Variants in EIF1AD observed in about 807,000 individuals in gnomAD.
EIF1AD encodes the protein probable RNA-binding protein EIF1AD.
EIF1AD carries 9 observed loss-of-function variants against 21.7 expected under a neutral mutation model. The observed-to-expected ratio is 0.41, with a 90% CI of 0.25 to 0.72. The LOEUF (loss-of-function observed/expected upper bound fraction) is 0.72. Among genes scored for constraint, EIF1AD ranks in the 30% least tolerant of loss-of-function variants. EIF1AD has a pLI of 0.29. For missense variants in EIF1AD, 164 were observed against 199.7 expected (o/e 0.82, Z 1.08); for synonymous variants, 78 against 70.9 (o/e 1.10, Z -0.50).
chr11:66,000,114 T>C lies in EIF1AD; in HGVS notation c.135A>G (p.Gln45=). Residue 45 remains glutamine, a synonymous_variant, in exon 3 of 6, where the codon CAA becomes CAG. Coordinates refer to ENST00000533544, the MANE Select transcript of EIF1AD (RefSeq NM_001242481.2). ...GCATGCTCACCAGGAAGCGCTGCCC[T>C]TGGGCTGTCTCCACCTCATGCAGAT... The part of the protein sequence containing the change: ...GNNLHEVETA[Q]GQRFLVSMPS... 1 of 1,614,172 alleles carries C rather than the reference T, an allele frequency of 6.2e-7. No individual in the cohort carries two copies. Among genetic ancestry groups the C allele is most frequent in the East Asian group, 2.2e-5 (1 of 44,876 alleles).
rs920157685 is a variant in EIF1AD, at chr11:65,997,682, T to C, written c.*917A>G. On this transcript the variant is annotated 3_prime_UTR_variant, in exon 6 of 6. Coordinates refer to ENST00000533544, the MANE Select transcript of EIF1AD (RefSeq NM_001242481.2). ...TGGGTTTGGGCACAGAGGTGAATGA[T>C]TGGGTTTACCCAGGGTTAGGGTTTT... 1 of 152,256 alleles carries C rather than the reference T, an allele frequency of 6.6e-6. No homozygotes were observed. Among genetic ancestry groups the C allele is most frequent in the East Asian group, 1.9e-4 (1 of 5,202 alleles). The allele number at this position is 152,256 out of a possible 1,614,324, so 9.4% of individuals were successfully genotyped here.
chr11:66,001,970 G>A lies in EIF1AD; in HGVS notation c.-177C>T, dbSNP rs1855992158. ...CCGGAGCAACACCGCCGTCTAGGCT[G>A]GACGCTGAGAGAGGATCGTCCACGA... is the stretch of plus-strand genomic sequence containing the variant. On this transcript the variant is annotated 5_prime_UTR_variant, in exon 1 of 6. Coordinates refer to ENST00000533544, the MANE Select transcript of EIF1AD (RefSeq NM_001242481.2). The A allele has an allele frequency of 6.6e-6, 1 of 152,250 alleles. No individual in the cohort carries two copies. Among genetic ancestry groups the A allele is most frequent in the South Asian group, 2.1e-4 (1 of 4,832 alleles). 9.4% of individuals were successfully genotyped at this position (152,250 alleles called of 1,614,324 possible).
chr11:65,999,745 G>T, intron 3 of EIF1AD, 70 bp from the exon 4 acceptor site: 1 of 1,055,252 alleles, frequency 9.5e-7, no homozygotes, highest in Non-Finnish European at 1.5e-6. Flanking sequence ...CATAGGAAGG[G>T]GTTCTATCTC....
At position 65,997,366 on chromosome 11, in the gene EIF1AD, C is replaced by CAA. The variant is rs1004159622; in HGVS notation, c.*1231_*1232dup. Reference sequence around the variant, plus strand: ...AAAAAAAAAGATAGTCTCCAAAACACAAGAGGTAAGGTTTAAGTCCCATTG... The same window carrying CAA: ...AAAAAAAAAGATAGTCTCCAAAACACAAAAGAGGTAAGGTTTAAGTCCCATTG... On this transcript the variant is annotated 3_prime_UTR_variant, in exon 6 of 6. Transcript: ENST00000533544. 6.8e-6 allele frequency: 1 copy of CAA among 146,124 alleles called. No homozygotes were observed. The highest frequency in any genetic ancestry group is 2.5e-5 in the African/African-American group (1 of 39,822). 9.1% of individuals were successfully genotyped at this position (146,124 alleles called of 1,614,324 possible). A position where few individuals can be genotyped will look rare whatever the true frequency, so the allele number is the denominator to read the frequency against.
chr11:66,001,809 A>C (rs1453501158), intron 1 of EIF1AD, 101 bp downstream of exon 1: 2 of 152,194 alleles, frequency 1.3e-5, no homozygotes, highest in Non-Finnish European at 2.9e-5. Flanking sequence ...CAGTACCCTT[A>C]AGACTGATGG....
intron 5 of EIF1AD, 80 bp from the exon 6 acceptor site, chr11:65,998,823 G>T: frequency 6.6e-7 from 1 of 1,522,746 alleles, no homozygotes; most frequent in East Asian, 2.3e-5. Flanking sequence ...TCCAAAAAAA[G>T]GACCATCCGG....
intron 1 of EIF1AD, among the ~76,000 whole-genome samples, chr11:66,000,970 T>C (rs1285174323): frequency 1.3e-5 from 2 of 152,158 alleles, no homozygotes; most frequent in African/African-American, 4.8e-5. Context: ...CTTGATCTAT[T>C]ATGACTTTTT....
rs372901719 is a variant in EIF1AD at position 66,000,338 on chromosome 11, G to C, written c.52C>G (p.His18Asp). 5.6e-6 allele frequency: 9 copies of C among 1,613,300 alleles called. No homozygotes were observed. The highest frequency in any genetic ancestry group is 7.6e-6 in the Non-Finnish European group (9 of 1,179,728). ...TGCTGCTGGTCGGAGGGCACTATGT[G>C]CTCCCCTAGCACCTCCTTCACCACA... ...KHVVKEVLGE[H>D]IVPSDQQQIV... The change falls in exon 2 of 6, where the codon CAC becomes GAC. Residue 18 changes from histidine (H) to aspartate (D), a missense_variant. His to Asp is a moderately conservative substitution (Grantham distance 81, BLOSUM62 -1). Coordinates refer to ENST00000533544, the MANE Select transcript of EIF1AD (RefSeq NM_001242481.2).
chr11:66,000,240 C>CCCT (rs1855894741), intron 2 of EIF1AD, 63 bp downstream of exon 2: 7 of 1,610,306 alleles, frequency 4.3e-6, no homozygotes, highest in Non-Finnish European at 5.9e-6. Context: ...CTACCCCCAC[C>CCCT]CCAGGGGCCC....
rs1855731474 is a variant in EIF1AD at position 65,996,562 on chromosome 11, G to A, written c.*2037C>T. 1.3e-5 allele frequency: 2 copies of A among 151,836 alleles called. No homozygotes were observed. The highest frequency in any genetic ancestry group is 2.4e-5 in the African/African-American group (1 of 41,318). The allele number at this position is 151,836 out of a possible 1,614,324, so 9.4% of individuals were successfully genotyped here. On this transcript the variant is annotated 3_prime_UTR_variant, in exon 6 of 6. Coordinates refer to ENST00000533544, the MANE Select transcript of EIF1AD (RefSeq NM_001242481.2). ...CACATACATATCTTTAACCCATCTC[G>A]TTTATTTTTTGTATATACATCTACA... is the stretch of plus-strand genomic sequence containing the variant.
Position 65,996,599 on chromosome 11 carries a change from CATTAT to C in EIF1AD, c.*1995_*1999del, listed in dbSNP as rs1855732733. The C allele has an allele frequency of 6.6e-6, 1 of 151,994 alleles. No individual in the cohort carries two copies. The highest frequency in any genetic ancestry group is 1.5e-5 in the Non-Finnish European group (1 of 68,002). 9.4% of individuals were successfully genotyped at this position (151,994 alleles called of 1,614,324 possible). On this transcript the variant is annotated 3_prime_UTR_variant, in exon 6 of 6. Coordinates refer to ENST00000533544, the MANE Select transcript of EIF1AD (RefSeq NM_001242481.2). ...TATATACATCTACATACATTTTATA[CATTAT>C]ATTCATATATACATATATACAAATG...
rs144821407 is a variant in EIF1AD at position 65,998,584 on chromosome 11, T to C, written c.*15A>G. On this transcript the variant is annotated 3_prime_UTR_variant, in exon 6 of 6. Transcript: ENST00000533544. ...GGCCAGTCCCTGAGCAAGTGGAGAATTGGGTCCTGGAGTCTCAGGCTGCCT... is the reference window on the plus strand; with the variant it reads ...GGCCAGTCCCTGAGCAAGTGGAGAACTGGGTCCTGGAGTCTCAGGCTGCCT... 88 of 1,612,608 alleles carry C rather than the reference T, an allele frequency of 5.5e-5. No homozygotes were observed. Among genetic ancestry groups the C allele is most frequent in the African/African-American group, 4.8e-4 (36 of 74,984 alleles).
chr11:65,997,312 G>A lies in EIF1AD; in HGVS notation c.*1287C>T, dbSNP rs1303984017. 7.0e-6 allele frequency: 1 copy of A among 141,994 alleles called. No homozygotes were observed. Among genetic ancestry groups the A allele is most frequent in the African/African-American group, 2.6e-5 (1 of 37,870 alleles). The allele number at this position is 141,994 out of a possible 1,614,324, so 8.8% of individuals were successfully genotyped here. Reference sequence around the variant, plus strand: ...ACTGCACTCCAGCCTGAGCAACACAGGGAGACACTCTCTCAAAAAAAAAAA... The same window carrying A: ...ACTGCACTCCAGCCTGAGCAACACAAGGAGACACTCTCTCAAAAAAAAAAA... On this transcript the variant is annotated 3_prime_UTR_variant, in exon 6 of 6. Coordinates refer to ENST00000533544, the MANE Select transcript of EIF1AD (RefSeq NM_001242481.2).
rs749540695 is a variant in EIF1AD at position 66,000,135 on chromosome 11, C to A, written c.114G>T (p.Leu38=). The change falls in exon 3 of 6, where the codon CTG becomes CTT. Residue 38 remains leucine (L), a synonymous_variant. Transcript: ENST00000533544. ...VRVLRTPGNN[L]HEVETAQGQR... is the part of the protein sequence containing the mutation. ...GCCCTTGGGCTGTCTCCACCTCATG[C>A]AGATTGTTCCCTGGGGTCCTGAGTA... The A allele has an allele frequency of 6.2e-7, 1 of 1,614,150 alleles. No homozygotes were observed. The highest frequency in any genetic ancestry group is 1.1e-5 in the South Asian group (1 of 91,086).
At position 65,997,447 on chromosome 11, in the gene EIF1AD, A is replaced by G. The variant is rs1420151048; in HGVS notation, c.*1152T>C. 1.3e-5 allele frequency: 2 copies of G among 152,156 alleles called. No individual in the cohort carries two copies. Among genetic ancestry groups the G allele is most frequent in the Non-Finnish European group, 2.9e-5 (2 of 68,044 alleles). 9.4% of individuals were successfully genotyped at this position (152,156 alleles called of 1,614,324 possible). On this transcript the variant is annotated 3_prime_UTR_variant, in exon 6 of 6. Transcript: ENST00000533544. ...CAGAGCTGGTAACAGGGAGGCAGGC[A>G]TTCCCTCTGATGGTTGCTGTTTCTT...
At position 66,000,469 on chromosome 11, in the gene EIF1AD, ACC is replaced by A; in HGVS notation, c.-82_-81del. 2 of 1,419,774 alleles carry A rather than the reference ACC, an allele frequency of 1.4e-6. No individual in the cohort carries two copies. The highest frequency in any genetic ancestry group is 9.7e-7 in the Non-Finnish European group (1 of 1,032,014). 87.9% of individuals were successfully genotyped at this position (1,419,774 alleles called of 1,614,324 possible). A position where few individuals can be genotyped will look rare whatever the true frequency, so the allele number is the denominator to read the frequency against. ...GAGTTCCTTGGATGGCAGGCTCAGA[ACC>A]CAGGACTGTTCTGAAGATGGGGAGG... On this transcript the variant is annotated 5_prime_UTR_variant, in exon 2 of 6. Coordinates refer to ENST00000533544, the MANE Select transcript of EIF1AD (RefSeq NM_001242481.2).
chr11:65,998,844 AG>A (rs946749106), intron 5 of EIF1AD, 101 bp from the exon 6 acceptor site: 34 of 1,304,330 alleles, frequency 2.6e-5, no homozygotes, highest in Non-Finnish European at 3.4e-5. Flanking sequence ...CCCAGCAGTC[AG>A]GGCCCTACAG....
chr11:65,996,991 G>C lies in EIF1AD; in HGVS notation c.*1608C>G, dbSNP rs560058384. 4 of 152,286 alleles carry C rather than the reference G, an allele frequency of 2.6e-5. No homozygotes were observed. In the East Asian group the frequency reaches 7.7e-4, roughly 29 times the overall value. 9.4% of individuals were successfully genotyped at this position (152,286 alleles called of 1,614,324 possible). A position where few individuals can be genotyped will look rare whatever the true frequency, so the allele number is the denominator to read the frequency against. The stretch of plus-strand genomic sequence containing the variant: ...GGACCACTTGAGGTCAGGAGTTCGA[G>C]ACCAGCCTGGCCAACATGGCAAAAC... On this transcript the variant is annotated 3_prime_UTR_variant, in exon 6 of 6. Transcript: ENST00000533544.
At chr11:66,001,535 A>C (rs1312569486) in intron 1 of EIF1AD, among the ~76,000 whole-genome samples, 1 of 151,930 alleles carries the variant, frequency 6.6e-6, no homozygotes, top group East Asian at 1.9e-4. Flanking sequence ...ATAAAACTAT[A>C]CGCATGCTCC....
Sources: allele counts gnomAD v4.1 joint callset (sites outside exome capture counted in the v4.1 genomes callset), GRCh38; gene constraint gnomAD v4.1.1; transcripts MANE v1.5; gene names NCBI Gene and HGNC (gene_info 2026-07-23, HGNC 2026-07-21).